The following DCC variants were observed in gnomAD, a reference collection of about 807,000 sequenced individuals.
DCC encodes the protein netrin receptor DCC.
DCC carries 58 observed loss-of-function variants against 172.5 expected under a neutral mutation model. The ratio of observed to expected loss-of-function variants is 0.34; its 90% CI spans 0.27 to 0.42. The LOEUF (loss-of-function observed/expected upper bound fraction) is 0.42. Ranked by LOEUF, DCC falls within the 10% of genes least tolerant of loss-of-function variation. DCC has a pLI of 1.00. For synonymous variants in DCC, 709 were observed against 644.5 expected (o/e 1.10, Z -1.52); for missense variants, 1,740 against 1,791.0 (o/e 0.97, Z 0.51).
chr18:52,796,814 A>T (rs1193928640), intron 2 of DCC, among the ~76,000 whole-genome samples: 1 of 152,022 alleles, frequency 6.6e-6, no homozygotes, highest in African/African-American at 2.4e-5. Flanking sequence ...AATTGAACCT[A>T]TTTGGGGATC....
rs182461747 is a variant in DCC at position 53,270,080 on chromosome 18, A to G, written c.1912-35498A>G. Among the ~76,000 whole-genome samples the G allele has an allele frequency of 2.6e-5, 4 of 152,300 alleles. No homozygotes were observed. The East Asian group carries it at 5.8e-4, about 22-fold the overall frequency. ...TGCTGGAAACACTAGTTGGAGGGAC[A>G]GGTAGTTATGCAATTTGTAGTAGAC... On this transcript the variant is annotated intron_variant, in intron 12 of 28. Coordinates refer to ENST00000442544, the MANE Select transcript of DCC (RefSeq NM_005215.4).
intron 1 of DCC, among the ~76,000 whole-genome samples, chr18:52,705,794 T>C (rs573309102): frequency 6.6e-6 from 1 of 152,350 alleles, no homozygotes; most frequent in Admixed American, 6.5e-5. Context: ...TAGAAGATAC[T>C]TTAAAAGCGT....
At chr18:52,632,261 G>A (rs2034691469) in intron 1 of DCC, among the ~76,000 whole-genome samples, 1 of 152,080 alleles carries the variant, frequency 6.6e-6, no homozygotes, top group South Asian at 2.1e-4. Context: ...TTCAACTACA[G>A]CGTAAGTTCC....
At chr18:53,177,292 G>C (rs1178810661) in intron 8 of DCC, among the ~76,000 whole-genome samples, 1 of 151,832 alleles carries the variant, frequency 6.6e-6, no homozygotes, top group African/African-American at 2.4e-5. Context: ...TAACTAACCT[G>C]CACAATGTGC....
chr18:53,158,949 T>A (rs1269281659), intron 8 of DCC, among the ~76,000 whole-genome samples: 3 of 134,206 alleles, frequency 2.2e-5, no homozygotes, highest in Admixed American at 1.8e-4. Flanking sequence ...GCCAAGATTG[T>A]GCCACTGCAC....
intron 1 of DCC, among the ~76,000 whole-genome samples, chr18:52,688,178 G>T (rs771059328): frequency 4.6e-5 from 7 of 151,246 alleles, no homozygotes; most frequent in Non-Finnish European, 1.0e-4. Flanking sequence ...TTGCCTTGAG[G>T]TCAACATACT....
intron 8 of DCC, among the ~76,000 whole-genome samples, chr18:53,169,032 A>G (rs2054970122): frequency 6.6e-6 from 1 of 152,240 alleles, no homozygotes; most frequent in East Asian, 1.9e-4. Flanking sequence ...AATGCAATAC[A>G]TTTAAGTACC....
rs1025210795 is a variant in DCC at position 53,369,151 on chromosome 18, TC to T, written c.2360-16890del. 1.3e-3 allele frequency among the ~76,000 whole-genome samples: 201 copies of T among 152,098 alleles called. 2 individuals carry two copies. The highest frequency in any genetic ancestry group is 4.8e-3 in the African/African-American group (199 of 41,568). Reference sequence around the variant, plus strand: ...GTTTTTACTATAGAAGTCTTTTATCTCCTTGGCTCAGTTAATTTTGAAGGAT... The same window carrying T: ...GTTTTTACTATAGAAGTCTTTTATCTCTTGGCTCAGTTAATTTTGAAGGAT... On this transcript the variant is annotated intron_variant, in intron 15 of 28. Transcript: ENST00000442544.
At chr18:53,392,214 G>T (rs1357055413) in intron 17 of DCC, among the ~76,000 whole-genome samples, 1 of 151,496 alleles carries the variant, frequency 6.6e-6, no homozygotes, top group African/African-American at 2.4e-5. Context: ...TAATTTTCTG[G>T]ATTTTGGTAT....
chr18:53,502,454 AAAAG>A (rs1188039663), intron 27 of DCC, among the ~76,000 whole-genome samples: 2 of 152,216 alleles, frequency 1.3e-5, no homozygotes, highest in African/African-American at 2.4e-5. Flanking sequence ...TTCTGATAGA[AAAAG>A]AAAATTAGCA....
At chr18:52,733,477 A>G (rs1245422772) in intron 1 of DCC, among the ~76,000 whole-genome samples, 1 of 152,014 alleles carries the variant, frequency 6.6e-6, no homozygotes, top group Non-Finnish European at 1.5e-5. Context: ...GTCAGGAGGT[A>G]CACCAATAAA....
chr18:52,999,167 T>C (rs1420149066), intron 5 of DCC, among the ~76,000 whole-genome samples: 6 of 152,056 alleles, frequency 3.9e-5, no homozygotes, highest in African/African-American at 1.4e-4. Flanking sequence ...TTGGACCAAT[T>C]AAATAATTTG....
chr18:52,475,070 AC>A (rs1264105882), intron 1 of DCC, among the ~76,000 whole-genome samples: 4 of 152,086 alleles, frequency 2.6e-5, no homozygotes, highest in African/African-American at 9.7e-5. Context: ...TCAACTTCCT[AC>A]CCCCACATTG....
intron 7 of DCC, among the ~76,000 whole-genome samples, chr18:53,148,616 A>G (rs1397953286): frequency 6.6e-6 from 1 of 152,174 alleles, no homozygotes; most frequent in Non-Finnish European, 1.5e-5. Context: ...GAAAGGGTGC[A>G]ATGATTAGTA....
intron 1 of DCC, among the ~76,000 whole-genome samples, chr18:52,575,480 A>C (rs907510488): frequency 6.6e-6 from 1 of 152,132 alleles, no homozygotes; most frequent in African/African-American, 2.4e-5. Flanking sequence ...CCCAATCCTA[A>C]TGTGTTAGTG....
chr18:53,257,793 C>G (rs939068417), intron 12 of DCC, among the ~76,000 whole-genome samples: 1 of 152,146 alleles, frequency 6.6e-6, no homozygotes, highest in African/African-American at 2.4e-5. Flanking sequence ...ATGGTACCAG[C>G]TCCTCCTTGT....
intron 5 of DCC, among the ~76,000 whole-genome samples, chr18:52,994,468 G>T (rs1265208175): frequency 6.6e-6 from 1 of 152,024 alleles, no homozygotes; most frequent in Non-Finnish European, 1.5e-5. Context: ...TTCATACCAG[G>T]CTTATATTTT....
intron 2 of DCC, among the ~76,000 whole-genome samples, chr18:52,826,957 A>G (rs1318542337): frequency 1.3e-5 from 2 of 152,208 alleles, no homozygotes; most frequent in Non-Finnish European, 2.9e-5. Context: ...TTTACATAGC[A>G]TTTACATTAT....
chr18:52,945,974 A>T (rs1486457197), intron 5 of DCC, among the ~76,000 whole-genome samples: 1 of 152,180 alleles, frequency 6.6e-6, no homozygotes. Flanking sequence ...GGCCGGGGCT[A>T]AGGGGCAACT....
Sources: gnomAD v4.1 joint callset for allele counts (sites outside exome capture counted in the v4.1 genomes callset) on GRCh38, gnomAD v4.1.1 for gene constraint, MANE v1.5 for transcripts, NCBI Gene and HGNC (gene_info 2026-07-23, HGNC 2026-07-21) for gene names.